Variants in TMCC2 observed in about 807,000 individuals in gnomAD.
TMCC2 encodes transmembrane and coiled-coil domain family 2, also known as transmembrane and coiled-coil domains protein 2.
In TMCC2, 16 loss-of-function variants were observed where a neutral mutation model predicts 49.4. The ratio of observed to expected loss-of-function variants is 0.32; its 90% CI spans 0.22 to 0.49. The LOEUF (loss-of-function observed/expected upper bound fraction) is 0.49, where lower values mean the gene tolerates loss of function less well. Among genes scored for constraint, TMCC2 ranks in the 20% least tolerant of loss-of-function variants. The pLI, the probability that TMCC2 is intolerant of heterozygous loss-of-function variation, is 0.99. For synonymous variants in TMCC2, 397 were observed against 434.1 expected, an observed-to-expected ratio of 0.91 and a Z score of 1.06; for missense variants, 762 against 989.8, an observed-to-expected ratio of 0.77 and a Z score of 3.09.
intron 1 of TMCC2, chr1:205,230,069 C>A: frequency 1.0e-6 from 1 of 985,456 alleles, no homozygotes; most frequent in Non-Finnish European, 1.2e-6. Context: ...TTTAATAAAG[C>A]CTATATCCTA....
Position 205,257,482 on chromosome 1 carries a change from C to A in TMCC2, c.748-11468C>A. The A allele has an allele frequency of 2.8e-6, 3 of 1,060,562 alleles. No individual in the cohort carries two copies. In the Middle Eastern group the frequency reaches 1.0e-3, roughly 367 times the overall value. 65.7% of individuals were successfully genotyped at this position (1,060,562 alleles called of 1,614,324 possible). A position where few individuals can be genotyped will look rare whatever the true frequency, so the allele number is the denominator to read the frequency against. On this transcript the variant is annotated intron_variant, in intron 2 of 4. Coordinates refer to ENST00000358024, the MANE Select transcript of TMCC2 (RefSeq NM_014858.4). ...GGGCTGTGCTTACACTCCAGTCTCT[C>A]AGGGAGCTCTCCTCCAGGTATAGAG...
chr1:205,243,141 T>C lies in TMCC2; in HGVS notation c.747+1097T>C, dbSNP rs537409279. Among the ~76,000 whole-genome samples, 7 of 152,296 alleles carry C rather than the reference T, an allele frequency of 4.6e-5. No individual in the cohort carries two copies. In the East Asian group the frequency reaches 1.4e-3, roughly 29 times the overall value. ...GCTCACACCTGTAATCCCAGAACTC[T>C]GGGAGGCCGAGGTGGGTGGATCACT... On this transcript the variant is annotated intron_variant, in intron 2 of 4. Transcript: ENST00000358024.
At chr1:205,252,561 C>G (rs992736960) in intron 2 of TMCC2, among the ~76,000 whole-genome samples, 1 of 152,236 alleles carries the variant, frequency 6.6e-6, no homozygotes, top group African/African-American at 2.4e-5. Context: ...GGGGAGGGAA[C>G]CTCTGAAAGA....
rs1367136734 is a variant in TMCC2 at position 205,228,495 on chromosome 1, A to G, written c.-70A>G. On this transcript the variant is annotated 5_prime_UTR_variant, in exon 1 of 5. Coordinates refer to ENST00000358024, the MANE Select transcript of TMCC2 (RefSeq NM_014858.4). ...AGACCCCAGGCCTCATATGAATATA[A>G]GAGGGGGTGCGGTCTTCCCCAAGAC... The G allele has an allele frequency of 2.5e-5, 34 of 1,341,344 alleles. No individual in the cohort carries two copies. Among genetic ancestry groups the G allele is most frequent in the Non-Finnish European group, 1.0e-6 (1 of 965,712 alleles). 83.1% of individuals were successfully genotyped at this position (1,341,344 alleles called of 1,614,324 possible).
Position 205,233,555 on chromosome 1 carries a change from G to A in TMCC2, c.207+4784G>A, listed in dbSNP as rs73083135. 2.3e-3 allele frequency among the ~76,000 whole-genome samples: 351 copies of A among 152,210 alleles called. 3 individuals carry two copies. The highest frequency in any genetic ancestry group is 7.9e-3 in the African/African-American group (328 of 41,504). On this transcript the variant is annotated intron_variant, in intron 1 of 4. Transcript: ENST00000358024. The stretch of plus-strand genomic sequence containing the variant: ...GCAGCTTCCTCCCACTGTGAGTGGC[G>A]TGTGTTCCTTCACCACTCCTGCAGA...
chr1:205,264,099 G>C lies in TMCC2; in HGVS notation c.748-4851G>C, dbSNP rs1290651079. ...GTAAACACTGAGAGACAAGTCTGAC[G>C]TATGTCAAGAAATGTTAGTGTTTGA... On this transcript the variant is annotated intron_variant, in intron 2 of 4. Transcript: ENST00000358024. The surrounding 1 kb of genome is among the most constrained non-coding windows in gnomAD (Gnocchi z 4.2). Among the ~76,000 whole-genome samples, 1 of 152,178 alleles carries C rather than the reference G, an allele frequency of 6.6e-6. No individual in the cohort carries two copies. Among genetic ancestry groups the C allele is most frequent in the Non-Finnish European group, 1.5e-5 (1 of 68,034 alleles).
chr1:205,250,009 T>C (rs1660604516), intron 2 of TMCC2, among the ~76,000 whole-genome samples: 1 of 152,340 alleles, frequency 6.6e-6, no homozygotes, highest in South Asian at 2.1e-4. Context: ...GTTTCTTCCT[T>C]TAGTCTGATT....
intron 2 of TMCC2, among the ~76,000 whole-genome samples, chr1:205,249,839 C>T (rs1014805038): frequency 8.5e-5 from 13 of 152,242 alleles, no homozygotes; most frequent in African/African-American, 3.1e-4. Flanking sequence ...CTTTCAAGGC[C>T]GTGCCTGTGC....
chr1:205,242,063 G>A lies in TMCC2; in HGVS notation c.747+19G>A, dbSNP rs748494328. 21 of 1,552,490 alleles carry A rather than the reference G, an allele frequency of 1.4e-5. No homozygotes were observed. The South Asian group carries it at 2.4e-4, about 17-fold the overall frequency. On this transcript the variant is annotated intron_variant, in intron 2 of 4. Coordinates refer to ENST00000358024, the MANE Select transcript of TMCC2 (RefSeq NM_014858.4). Reference sequence around the variant, plus strand: ...GGACAAGGTGAGATGGGCCTTCTGGGGCAGGGGGAGACTCAGAGGCAAGGG... The same window carrying A: ...GGACAAGGTGAGATGGGCCTTCTGGAGCAGGGGGAGACTCAGAGGCAAGGG...
rs1385210106 is a variant in TMCC2, at chr1:205,241,180, G to C, written c.208-325G>C. 2.0e-5 allele frequency among the ~76,000 whole-genome samples: 3 copies of C among 152,144 alleles called. No individual in the cohort carries two copies. The East Asian group carries it at 5.8e-4, about 29-fold the overall frequency. ...AGGGATACAACCCCATGAGCCAAGT[G>C]CTACCTGTGTATGCCATTAAGCCCC... On this transcript the variant is annotated intron_variant, in intron 1 of 4. Transcript: ENST00000358024. This position sits in a 1 kb window ranked among gnomAD's most constrained non-coding sequence, Gnocchi z 7.3.
At chr1:205,246,107 G>A (rs953074158) in intron 2 of TMCC2, among the ~76,000 whole-genome samples, 7 of 151,796 alleles carry the variant, frequency 4.6e-5, no homozygotes, top group Admixed American at 2.0e-4. Flanking sequence ...GGGGTGGGGC[G>A]GAGTACCTGT....
chr1:205,262,928 G>C (rs192359062), intron 2 of TMCC2, among the ~76,000 whole-genome samples: 2 of 152,264 alleles, frequency 1.3e-5, no homozygotes, highest in South Asian at 4.1e-4. Flanking sequence ...TGGTGAGTCC[G>C]TAGTAAAAGT....
intron 1 of TMCC2, among the ~76,000 whole-genome samples, chr1:205,240,900 G>C (rs1660238825): frequency 6.6e-6 from 1 of 152,240 alleles, no homozygotes; most frequent in South Asian, 2.1e-4. Flanking sequence ...GGAGTCTGAT[G>C]AAGCAGGAAT....
At chr1:205,248,185 T>A (rs1660528186) in intron 2 of TMCC2, among the ~76,000 whole-genome samples, 1 of 152,186 alleles carries the variant, frequency 6.6e-6, no homozygotes, top group Non-Finnish European at 1.5e-5. Flanking sequence ...TTTGCGTGGA[T>A]CAGTTGAGCC....
Position 205,264,777 on chromosome 1 carries a change from C to T in TMCC2, c.748-4173C>T, listed in dbSNP as rs971912099. ...AAAGTGCTGGGATTACAGGTGTGAG[C>T]CACTGCGCCTGGCCCCTGTATTTTA... On this transcript the variant is annotated intron_variant, in intron 2 of 4. Transcript: ENST00000358024. This position sits in a 1 kb window ranked among gnomAD's most constrained non-coding sequence, Gnocchi z 4.2. Among the ~76,000 whole-genome samples the T allele has an allele frequency of 3.3e-5, 5 of 152,172 alleles. No individual in the cohort carries two copies. The highest frequency in any genetic ancestry group is 1.2e-4 in the African/African-American group (5 of 41,434).
chr1:205,258,863 CA>C (rs1660987251), intron 2 of TMCC2, among the ~76,000 whole-genome samples: 1 of 152,216 alleles, frequency 6.6e-6, no homozygotes, highest in Non-Finnish European at 1.5e-5. Context: ...CCTCCCCTTC[CA>C]TCTGAGAATG....
intron 2 of TMCC2, among the ~76,000 whole-genome samples, chr1:205,252,545 A>G (rs1660706858): frequency 6.6e-6 from 1 of 152,216 alleles, no homozygotes; most frequent in South Asian, 2.1e-4. Context: ...CTGAAAGTGA[A>G]TACTTGGGGA....
chr1:205,251,051 T>A (rs1368846140), intron 2 of TMCC2, among the ~76,000 whole-genome samples: 2 of 152,200 alleles, frequency 1.3e-5, no homozygotes, highest in Non-Finnish European at 2.9e-5. Flanking sequence ...TACAGCATCA[T>A]TAACCTGATC....
chr1:205,272,523 T>G lies in TMCC2; in HGVS notation c.*399T>G. The G allele has an allele frequency of 4.7e-6, 1 of 213,292 alleles. No homozygotes were observed. Among genetic ancestry groups the G allele is most frequent in the Non-Finnish European group, 9.4e-6 (1 of 105,834 alleles). The allele number at this position is 213,292 out of a possible 1,614,324, so 13.2% of individuals were successfully genotyped here. A position where few individuals can be genotyped will look rare whatever the true frequency, so the allele number is the denominator to read the frequency against. On this transcript the variant is annotated 3_prime_UTR_variant, in exon 5 of 5. Coordinates refer to ENST00000358024, the MANE Select transcript of TMCC2 (RefSeq NM_014858.4). The stretch of plus-strand genomic sequence containing the variant: ...GGAAAGAGCCCACCTCGGAGATAGC[T>G]ACGGTTTTCTCTGGTGGAGATGGTG...
Sources: gnomAD v4.1 joint callset for allele counts (sites outside exome capture counted in the v4.1 genomes callset) on GRCh38, gnomAD v4.1.1 for gene constraint, Gnocchi (gnomAD v3.1) non-coding constraint, MANE v1.5 for transcripts, NCBI Gene and HGNC (gene_info 2026-07-23, HGNC 2026-07-21) for gene names.